TEX15: variants seen among roughly 807,000 people sequenced by gnomAD.
The protein encoded by TEX15 is testis expressed 15, meiosis and synapsis associated, also known as testis-expressed protein 15.
TEX15 carries 171 observed loss-of-function variants against 237.3 expected under a neutral mutation model. That is an observed-to-expected ratio of 0.72 (90% confidence interval 0.64 to 0.82). The LOEUF (loss-of-function observed/expected upper bound fraction) is 0.82. Among genes scored for constraint, TEX15 ranks in the 40% least tolerant of loss-of-function variants. The pLI, the probability that TEX15 is intolerant of heterozygous loss-of-function variation, is 0.00. For missense variants in TEX15, 3,750 were observed against 3,646.5 expected (o/e 1.03, Z -0.73); for synonymous variants, 1,338 against 1,269.8 (o/e 1.05, Z -1.14).
intron 8 of TEX15, 30 bp downstream of exon 8, chr8:30,841,974 T>C (rs769017789): frequency 6.9e-7 from 1 of 1,453,118 alleles, no homozygotes; most frequent in Non-Finnish European, 9.2e-7. Flanking sequence ...AAAGAATACT[T>C]ATAAAAGTTT....
chr8:30,833,206 G>C lies in TEX15; in HGVS notation c.*80C>G. Reference sequence around the variant, plus strand: ...ACCACATTTACAAACATTAAAAATCGCTAAATGTTAAAAAATATATAAGTA... The same window carrying C: ...ACCACATTTACAAACATTAAAAATCCCTAAATGTTAAAAAATATATAAGTA... On this transcript the variant is annotated 3_prime_UTR_variant, in exon 11 of 11. Transcript: ENST00000643185. 2.2e-6 allele frequency: 2 copies of C among 918,662 alleles called. No homozygotes were observed. Among genetic ancestry groups the C allele is most frequent in the Non-Finnish European group, 3.3e-6 (2 of 609,182 alleles). 56.9% of individuals were successfully genotyped at this position (918,662 alleles called of 1,614,324 possible). A position where few individuals can be genotyped will look rare whatever the true frequency, so the allele number is the denominator to read the frequency against.
chr8:30,845,995 T>C lies in TEX15; in HGVS notation c.4172A>G (p.His1391Arg). Residue 1391 changes from histidine (H) to arginine (R), a missense_variant, in exon 8 of 11, where the codon CAT becomes CGT. By Grantham distance (29) the His-to-Arg change is conservative (BLOSUM62 0). Coordinates refer to ENST00000643185, the MANE Select transcript of TEX15 (RefSeq NM_001350162.2). ...DKAVVHLKKA[H>R]RRVHTSLQLI... ...CTGCAAAGATGTGTGAACTCTTCTA[T>C]GAGCTTTTTTTAAGTGAACAACTGC... 1 of 1,613,114 alleles carries C rather than the reference T, an allele frequency of 6.2e-7. No individual in the cohort carries two copies. The highest frequency in any genetic ancestry group is 8.5e-7 in the Non-Finnish European group (1 of 1,179,536).
intron 7 of TEX15, among the ~76,000 whole-genome samples, chr8:30,857,208 A>G (rs1466122981): frequency 6.6e-6 from 1 of 152,212 alleles, no homozygotes; most frequent in Non-Finnish European, 1.5e-5. Flanking sequence ...GGATTCTCCA[A>G]TAAACTGTAC....
Position 30,843,404 on chromosome 8 carries a change from T to C in TEX15, c.6763A>G (p.Asn2255Asp), listed in dbSNP as rs1807511710. 6.2e-7 allele frequency: 1 copy of C among 1,612,990 alleles called. No homozygotes were observed. The highest frequency in any genetic ancestry group is 8.5e-7 in the Non-Finnish European group (1 of 1,179,678). Reference sequence around the variant, plus strand: ...GATATTTTAACACGTACTGCCTCGTTGTTCTTAATAAAATTAACCTTTGAG... The same window carrying C: ...GATATTTTAACACGTACTGCCTCGTCGTTCTTAATAAAATTAACCTTTGAG... ...ISSKVNFIKN[N>D]EAVRVKISLY... The change falls in exon 8 of 11, where the codon AAC (asparagine) becomes GAC (aspartate). Residue 2255 changes from asparagine (N) to aspartate (D), a missense_variant. Physicochemically the swap from Asn to Asp is conservative, Grantham distance 23. Transcript: ENST00000643185.
At chr8:30,849,374 A>C (rs923799847) in intron 7 of TEX15, 58 bp from the exon 8 acceptor site, 1 of 941,726 alleles carries the variant, frequency 1.1e-6, no homozygotes, top group African/African-American at 1.7e-5. Flanking sequence ...GACAACTATT[A>C]ATACAGGTAC....
At chr8:30,866,285 A>G (rs994069166) in intron 5 of TEX15, among the ~76,000 whole-genome samples, 52 of 151,476 alleles carry the variant, frequency 3.4e-4, no homozygotes, top group African/African-American at 1.2e-3. Flanking sequence ...AATGGAAGGG[A>G]GAAAGGGAGA....
intron 1 of TEX15, among the ~76,000 whole-genome samples, chr8:30,899,074 C>T (rs1808960142): frequency 1.3e-5 from 2 of 152,066 alleles, no homozygotes; most frequent in African/African-American, 4.8e-5. Flanking sequence ...TTCTTCCCTT[C>T]AGTACATTCT....
intron 2 of TEX15, chr8:30,887,529 T>C (rs1808679407): frequency 2.6e-6 from 1 of 384,736 alleles, no homozygotes; most frequent in South Asian, 3.6e-5. Context: ...CTGGGCATGG[T>C]GACTCACACC....
chr8:30,894,786 A>G (rs1482300778), intron 2 of TEX15, among the ~76,000 whole-genome samples: 1 of 152,352 alleles, frequency 6.6e-6, no homozygotes, highest in Non-Finnish European at 1.5e-5. Context: ...GAAAAAGCCT[A>G]ATGTGAAGGT....
intron 1 of TEX15, among the ~76,000 whole-genome samples, chr8:30,910,239 C>T (rs1809190650): frequency 1.3e-5 from 2 of 151,796 alleles, no homozygotes; most frequent in South Asian, 4.1e-4. Context: ...AAGTGACCTT[C>T]GGATCTCCTG....
chr8:30,833,926 A>G (rs1389896633), intron 10 of TEX15, among the ~76,000 whole-genome samples: 1 of 152,214 alleles, frequency 6.6e-6, no homozygotes, highest in African/African-American at 2.4e-5. Context: ...ACTTGATTCC[A>G]GAGCTATCTT....
chr8:30,911,801 G>A (rs1460209740), intron 1 of TEX15, among the ~76,000 whole-genome samples: 1 of 152,134 alleles, frequency 6.6e-6, no homozygotes, highest in East Asian at 1.9e-4. Flanking sequence ...TCCAAACGCG[G>A]AAACTCAACC....
chr8:30,864,643 A>G (rs1808121906), intron 5 of TEX15, among the ~76,000 whole-genome samples: 1 of 151,444 alleles, frequency 6.6e-6, no homozygotes, highest in African/African-American at 2.4e-5. Flanking sequence ...AAAAAGGCTG[A>G]AAGAATTTAT....
intron 7 of TEX15, among the ~76,000 whole-genome samples, chr8:30,856,117 T>C (rs1807906349): frequency 6.6e-6 from 1 of 152,064 alleles, no homozygotes; most frequent in South Asian, 2.1e-4. Flanking sequence ...AACTAAGTTT[T>C]GTATTTTTAG....
chr8:30,889,954 CAT>C lies in TEX15; in HGVS notation c.-9-2645_-9-2644del. ...ATATACATATATATATATATATATA[CAT>C]ATATATATATATGTATAAGTAAAAT... On this transcript the variant is annotated intron_variant, in intron 2 of 10. Transcript: ENST00000643185. Among the ~76,000 whole-genome samples the C allele has an allele frequency of 9.8e-4, 108 of 110,066 alleles. 3 individuals carry two copies. The highest frequency in any genetic ancestry group is 1.2e-3 in the Non-Finnish European group (69 of 56,568). The allele number at this position is 110,066 out of a possible 152,430, so 72.2% of individuals were successfully genotyped here. A position where few individuals can be genotyped will look rare whatever the true frequency, so the allele number is the denominator to read the frequency against.
rs1807556857 is a variant in TEX15, at chr8:30,844,849, G to A, written c.5318C>T (p.Ser1773Phe). 1 of 1,613,344 alleles carries A rather than the reference G, an allele frequency of 6.2e-7. No homozygotes were observed. Among genetic ancestry groups the A allele is most frequent in the African/African-American group, 1.3e-5 (1 of 74,900 alleles). The change falls in exon 8 of 11, where the codon TCT becomes TTT. Residue 1773 changes from serine (S) to phenylalanine (F), a missense_variant. Coordinates refer to ENST00000643185, the MANE Select transcript of TEX15 (RefSeq NM_001350162.2). ...ATCTGTATGGAGGCAATTACCTGAA[G>A]AGCACTGTTCTGTCTTTAGAAGCTC... ...EKELLKTEQC[S>F]SGNCLHTDGN...
intron 10 of TEX15, among the ~76,000 whole-genome samples, chr8:30,836,122 T>G (rs78137023): frequency 0.095 from 14,490 of 151,742 alleles, 1,002 homozygotes; most frequent in African/African-American, 0.2. Flanking sequence ...TCCACATTTA[T>G]GTAGGTAAGT....
chr8:30,854,089 A>G (rs887651800), intron 7 of TEX15, among the ~76,000 whole-genome samples: 1 of 151,850 alleles, frequency 6.6e-6, no homozygotes, highest in Non-Finnish European at 1.5e-5. Context: ...ATCTTAAGAC[A>G]CACACACACG....
rs751384082 is a variant in TEX15, at chr8:30,843,259, ACT to A, written c.6906_6907del (p.Arg2302SerfsTer3). On this transcript the variant is annotated frameshift_variant, in exon 8 of 11. Coordinates refer to ENST00000643185, the MANE Select transcript of TEX15 (RefSeq NM_001350162.2). LOFTEE classifies it high-confidence loss of function. ...CAACTTAGAAAAGGCACATTTATTC[ACT>A]CTGAGTAGCCTTTCTTCGTCCTTCT... 3.7e-6 allele frequency: 6 copies of A among 1,612,668 alleles called. No homozygotes were observed. The highest frequency in any genetic ancestry group is 1.7e-5 in the Admixed American group (1 of 59,878).
Sources: allele counts gnomAD v4.1 joint callset (sites outside exome capture counted in the v4.1 genomes callset), GRCh38; gene constraint gnomAD v4.1.1; transcripts MANE v1.5; gene names NCBI Gene and HGNC (gene_info 2026-07-23, HGNC 2026-07-21).